Variants in THSD7A observed in about 807,000 individuals in gnomAD.
THSD7A encodes the protein thrombospondin type 1 domain containing 7A.
THSD7A carries 96 observed loss-of-function variants against 231.3 expected under a neutral mutation model. The ratio of observed to expected loss-of-function variants is 0.41; its 90% CI spans 0.35 to 0.49. The LOEUF is 0.49. Ranked by LOEUF, THSD7A falls within the 20% of genes least tolerant of loss-of-function variation. The probability of loss-of-function intolerance (pLI) is 0.05; values close to 1 mark genes in which losing one functional copy is unlikely to be tolerated. For missense variants in THSD7A, 2,290 were observed against 2,070.2 expected (o/e 1.11, Z -2.06); for synonymous variants, 940 against 743.3 (o/e 1.26, Z -4.30).
At chr7:11,524,464 G>A (rs989186851) in intron 6 of THSD7A, among the ~76,000 whole-genome samples, 6 of 152,134 alleles carry the variant, frequency 3.9e-5, no homozygotes, top group African/African-American at 1.4e-4. Flanking sequence ...ACACTTGGGT[G>A]TATTTCAACG....
At chr7:11,663,948 C>A (rs572532218) in intron 1 of THSD7A, among the ~76,000 whole-genome samples, 1 of 151,388 alleles carries the variant, frequency 6.6e-6, no homozygotes, top group Non-Finnish European at 1.5e-5. Flanking sequence ...ATATTTTTCC[C>A]TTAATTTAAA....
intron 6 of THSD7A, among the ~76,000 whole-genome samples, chr7:11,498,944 C>A (rs1010965384): frequency 6.6e-6 from 1 of 152,198 alleles, no homozygotes; most frequent in South Asian, 2.1e-4. Flanking sequence ...CCTCACTGGG[C>A]AGGTCCTCCA....
At chr7:11,826,664 T>C (rs770630406) in intron 1 of THSD7A, among the ~76,000 whole-genome samples, 5 of 151,936 alleles carry the variant, frequency 3.3e-5, no homozygotes, top group Non-Finnish European at 5.9e-5. Context: ...ATACAAAAAT[T>C]AGCCGGGTAT....
intron 4 of THSD7A, among the ~76,000 whole-genome samples, chr7:11,570,967 C>T (rs1450847956): frequency 6.6e-6 from 1 of 152,144 alleles, no homozygotes; most frequent in East Asian, 1.9e-4. Flanking sequence ...TTATTTCTGT[C>T]TCCATTCTTG....
In THSD7A at chr7:11,411,742, A is replaced by G. The variant is rs930959835; in HGVS notation, c.3683-420T>C. Among the ~76,000 whole-genome samples the G allele has an allele frequency of 6.6e-6, 1 of 152,204 alleles. No homozygotes were observed. The highest frequency in any genetic ancestry group is 1.5e-5 in the Non-Finnish European group (1 of 68,026). On this transcript the variant is annotated intron_variant, in intron 18 of 27. Transcript: ENST00000423059. This position sits in a 1 kb window ranked among gnomAD's most constrained non-coding sequence, Gnocchi z 4.1. The stretch of plus-strand genomic sequence containing the variant: ...GTAGTTATATTCAGATAAAACATAC[A>G]TTTTATTTCTTATCCATATTTAGAA...
At chr7:11,774,434 A>G (rs1321465119) in intron 1 of THSD7A, among the ~76,000 whole-genome samples, 2 of 151,946 alleles carry the variant, frequency 1.3e-5, no homozygotes, top group Admixed American at 6.6e-5. Flanking sequence ...TAACAATGTG[A>G]TATTGTGCAC....
chr7:11,438,397 G>T (rs1784698699), intron 13 of THSD7A, among the ~76,000 whole-genome samples: 1 of 151,916 alleles, frequency 6.6e-6, no homozygotes, highest in South Asian at 2.1e-4. Context: ...AGTGCAAACT[G>T]GTATGAAAGC....
intron 2 of THSD7A, among the ~76,000 whole-genome samples, chr7:11,607,568 C>G (rs1400143546): frequency 6.6e-6 from 1 of 151,708 alleles, no homozygotes; most frequent in Admixed American, 6.6e-5. Context: ...CCACCTTTAA[C>G]TATGTTCAAG....
intron 1 of THSD7A, among the ~76,000 whole-genome samples, chr7:11,829,130 G>T (rs373739277): frequency 2.6e-5 from 4 of 152,032 alleles, no homozygotes; most frequent in South Asian, 4.1e-4. Flanking sequence ...CATGTTATCT[G>T]TAAGGCTTCT....
chr7:11,732,662 A>T (rs9690161), intron 1 of THSD7A, among the ~76,000 whole-genome samples: 83,167 of 151,612 alleles, frequency 0.55, 23,435 homozygotes, highest in Non-Finnish European at 0.61. Flanking sequence ...CACAATAGCA[A>T]ATTTGTTTTC....
chr7:11,466,500 T>G (rs1391303811), intron 9 of THSD7A, among the ~76,000 whole-genome samples: 1 of 152,156 alleles, frequency 6.6e-6, no homozygotes, highest in African/African-American at 2.4e-5. Flanking sequence ...ACAAAGCATC[T>G]TGGCACTGTT....
In THSD7A at chr7:11,590,624, G is replaced by C. The variant is rs776514563; in HGVS notation, c.1289C>G (p.Thr430Arg). Residue 430 changes from threonine to arginine, a missense_variant, in exon 4 of 28, where the codon ACA becomes AGA. By Grantham distance (71) the Thr-to-Arg change is moderately conservative. Coordinates refer to ENST00000423059, the MANE Select transcript of THSD7A (RefSeq NM_015204.3). This position sits in a 1 kb window ranked among gnomAD's most constrained non-coding sequence, Gnocchi z 4.4. ...VPCATYGWRT[T>R]EWTECRVDPL... is the part of the protein sequence containing the mutation. ...GTCCACACGGCACTCAGTCCACTCT[G>C]TAGTTCTCCAGCCATACCTAAATAA... 2 of 1,609,310 alleles carry C rather than the reference G, an allele frequency of 1.2e-6. No individual in the cohort carries two copies. Among genetic ancestry groups the C allele is most frequent in the Non-Finnish European group, 1.7e-6 (2 of 1,178,126 alleles).
chr7:11,593,095 CA>C (rs1780227662), intron 3 of THSD7A, among the ~76,000 whole-genome samples, 158 bp downstream of exon 3: 2 of 152,218 alleles, frequency 1.3e-5, no homozygotes, highest in Middle Eastern at 3.4e-3. Flanking sequence ...TTTGTCAGGA[CA>C]CTTTTATTCT....
rs114982284 is a variant in THSD7A at position 11,413,146 on chromosome 7, C to T, written c.3538-346G>A. 3.0e-3 allele frequency among the ~76,000 whole-genome samples: 460 copies of T among 151,498 alleles called. 2 individuals carry two copies. Among genetic ancestry groups the T allele is most frequent in the African/African-American group, 0.01 (433 of 41,340 alleles). ...TATATAATTATATGTTTGTGGATTA[C>T]GTATAGTCTTTTGGGCCTTAAAAGA... On this transcript the variant is annotated intron_variant, in intron 17 of 27. Coordinates refer to ENST00000423059, the MANE Select transcript of THSD7A (RefSeq NM_015204.3).
At chr7:11,496,534 T>A (rs1787107123) in intron 6 of THSD7A, among the ~76,000 whole-genome samples, 2 of 152,178 alleles carry the variant, frequency 1.3e-5, no homozygotes, top group Admixed American at 1.3e-4. Context: ...GTAATTTTTT[T>A]CATGTATGAG....
chr7:11,770,829 G>C (rs186550023), intron 1 of THSD7A, among the ~76,000 whole-genome samples: 2 of 151,950 alleles, frequency 1.3e-5, no homozygotes, highest in Non-Finnish European at 2.9e-5. Flanking sequence ...TTTTGGCTAC[G>C]TAGAAGTATT....
chr7:11,496,977 A>C (rs1054480510), intron 6 of THSD7A, among the ~76,000 whole-genome samples: 4 of 152,162 alleles, frequency 2.6e-5, no homozygotes, highest in Non-Finnish European at 4.4e-5. Context: ...GTATTAGTCC[A>C]TTGTCACATT....
rs868827645 is a variant in THSD7A, at chr7:11,769,035, G to A, written c.190+62722C>T. On this transcript the variant is annotated intron_variant, in intron 1 of 27. Transcript: ENST00000423059. ...TGCAATGGTGCGATCTCGGCTCACT[G>A]CAACCTCTGCCTCCTGGATTCAAGT... Among the ~76,000 whole-genome samples the A allele has an allele frequency of 6.9e-5, 10 of 144,098 alleles. No individual in the cohort carries two copies. The South Asian group carries it at 8.8e-4, about 13-fold the overall frequency. 94.5% of individuals were successfully genotyped at this position (144,098 alleles called of 152,430 possible). A position where few individuals can be genotyped will look rare whatever the true frequency, so the allele number is the denominator to read the frequency against.
intron 2 of THSD7A, among the ~76,000 whole-genome samples, chr7:11,626,183 A>C (rs1410617334): frequency 4.6e-5 from 7 of 152,160 alleles, no homozygotes. Flanking sequence ...CTCACTTAAA[A>C]CAAAAATAAC....
Sources: allele counts gnomAD v4.1 joint callset (sites outside exome capture counted in the v4.1 genomes callset), GRCh38; gene constraint gnomAD v4.1.1; non-coding constraint Gnocchi (gnomAD v3.1); transcripts MANE v1.5; gene names NCBI Gene and HGNC (gene_info 2026-07-23, HGNC 2026-07-21).